Variants in ZSCAN30 observed in about 807,000 individuals in gnomAD.
ZSCAN30 encodes the protein zinc finger and SCAN domain containing 30.
Under a neutral mutation model 44.3 loss-of-function variants are expected in ZSCAN30, and 37 were observed. The ratio of observed to expected loss-of-function variants is 0.84; its 90% CI spans 0.64 to 1.10. The LOEUF (loss-of-function observed/expected upper bound fraction) is 1.10, where lower values mean the gene tolerates loss of function less well. Among genes scored for constraint, ZSCAN30 ranks in the 50% least tolerant of loss-of-function variants. ZSCAN30 has a pLI of 0.00. For synonymous variants in ZSCAN30, 181 were observed against 204.6 expected, an observed-to-expected ratio of 0.88 and a Z score of 0.98; for missense variants, 549 against 582.6, an observed-to-expected ratio of 0.94 and a Z score of 0.59.
chr18:35,268,874 A>C (rs1262852736), intron 1 of ZSCAN30: 1 of 152,250 alleles, frequency 6.6e-6, no homozygotes, highest in Non-Finnish European at 1.5e-5. Context: ...AGAAAAGGTA[A>C]AGTTTAGTAG....
At chr18:35,262,418 A>G (rs1410216303) in intron 3 of ZSCAN30, 1 of 152,186 alleles carries the variant, frequency 6.6e-6, no homozygotes, top group African/African-American at 2.4e-5. Context: ...ACAGCTATCA[A>G]TTTATTGCCT....
chr18:35,254,611 T>G, intron 3 of ZSCAN30: 2 of 687,294 alleles, frequency 2.9e-6, no homozygotes, highest in South Asian at 4.0e-5. Flanking sequence ...AGAGGGATGG[T>G]GAACAAGGAA....
rs1039413435 is a variant in ZSCAN30 at position 35,253,189 on chromosome 18, T to C, written c.*261A>G. 108 of 322,312 alleles carry C rather than the reference T, an allele frequency of 3.4e-4. No homozygotes were observed. Among genetic ancestry groups the C allele is most frequent in the Admixed American group, 1.4e-3 (31 of 22,830 alleles). The allele number at this position is 322,312 out of a possible 1,614,324, so 20.0% of individuals were successfully genotyped here. On this transcript the variant is annotated 3_prime_UTR_variant, in exon 4 of 4. Transcript: ENST00000333206. ...GCAGAGAGTGGAGTGAAGGGGATATTGATGAGTCTCATCCAGAAATGGGTT... is the reference window on the plus strand; with the variant it reads ...GCAGAGAGTGGAGTGAAGGGGATATCGATGAGTCTCATCCAGAAATGGGTT...
Position 35,257,574 on chromosome 18 carries a change from C to T in ZSCAN30, c.554-3193G>A, listed in dbSNP as rs542826198. The T allele has an allele frequency of 2.5e-4, 68 of 273,006 alleles. No homozygotes were observed. The East Asian group carries it at 5.6e-3, about 23-fold the overall frequency. 16.9% of individuals were successfully genotyped at this position (273,006 alleles called of 1,614,324 possible). ...TACCAAATACAAAATCTGCTAGCAC[C>T]TTGAACTTCTCAGCCTCCAGAACTG... On this transcript the variant is annotated intron_variant, in intron 3 of 3. Coordinates refer to ENST00000333206, the MANE Select transcript of ZSCAN30 (RefSeq NM_001112734.4).
intron 1 of ZSCAN30, among the ~76,000 whole-genome samples, chr18:35,271,088 G>C (rs1034048907): frequency 6.6e-6 from 1 of 152,192 alleles, no homozygotes; most frequent in East Asian, 1.9e-4. Context: ...CATAAAGGCA[G>C]TGCAGACCCA....
At chr18:35,276,548 C>T (rs1179357204) in intron 1 of ZSCAN30, among the ~76,000 whole-genome samples, 3 of 152,288 alleles carry the variant, frequency 2.0e-5, no homozygotes, top group South Asian at 2.1e-4. Flanking sequence ...AAGGGGCCAA[C>T]GTAAAGCTCG....
intron 1 of ZSCAN30, among the ~76,000 whole-genome samples, chr18:35,272,390 C>G (rs1598641511): frequency 6.8e-6 from 1 of 147,268 alleles, no homozygotes; most frequent in African/African-American, 2.5e-5. Flanking sequence ...CTCTGTGGAC[C>G]AGGCTGCAGT....
At chr18:35,262,111 T>TG (rs1234993150) in intron 3 of ZSCAN30, 13 of 152,308 alleles carry the variant, frequency 8.5e-5, no homozygotes, top group African/African-American at 3.1e-4. Context: ...ATTTATCTCT[T>TG]GGGGTAGACT....
intron 3 of ZSCAN30, chr18:35,259,724 A>G (rs1036406445): frequency 1.3e-5 from 2 of 154,292 alleles, no homozygotes; most frequent in African/African-American, 4.8e-5. Context: ...AACAAATAAC[A>G]ATATGAAAAG....
chr18:35,278,020 G>A (rs2044396162), intron 1 of ZSCAN30, among the ~76,000 whole-genome samples: 1 of 152,094 alleles, frequency 6.6e-6, no homozygotes, highest in Admixed American at 6.6e-5. Context: ...AATATTTTAT[G>A]TTGTACTTCA....
In ZSCAN30 at chr18:35,263,517, C is replaced by G. The variant is rs1336459636; in HGVS notation, c.549G>C (p.Glu183Asp). Reference protein sequence around the residue: ...TETQESQAFQERDGRMVAGKV... With the variant: ...TETQESQAFQDRDGRMVAGKV... ...ACATGGACTGGGGCTTCTCACCTCT[C>G]TCCTGGAAAGCCTGGGACTCCTGAG... is the stretch of plus-strand genomic sequence containing the variant. Residue 183 changes from glutamate (E) to aspartate (D), a missense_variant, in exon 3 of 4, where the codon GAG becomes GAC. Transcript: ENST00000333206. 9 of 1,614,086 alleles carry G rather than the reference C, an allele frequency of 5.6e-6. No individual in the cohort carries two copies. In the African/African-American group the frequency reaches 1.2e-4, roughly 22 times the overall value.
At position 35,264,062 on chromosome 18, in the gene ZSCAN30, C is replaced by A; in HGVS notation, c.291G>T (p.Leu97=). The A allele has an allele frequency of 1.2e-6, 2 of 1,614,078 alleles. No homozygotes were observed. Among genetic ancestry groups the A allele is most frequent in the Non-Finnish European group, 1.7e-6 (2 of 1,179,934 alleles). Residue 97 remains leucine, a synonymous_variant, in exon 2 of 4, where the codon CTG becomes CTT. Transcript: ENST00000333206. ...ILELLMLEQF[L]AILPEELQAW... ...CTTGCAGCTCCTCAGGAAGGATGGC[C>A]AGGAACTGCTCCAACATCAGCAGCT...
At chr18:35,272,670 AAC>A (rs2044304735) in intron 1 of ZSCAN30, among the ~76,000 whole-genome samples, 1 of 152,218 alleles carries the variant, frequency 6.6e-6, no homozygotes. Context: ...TTTATGGTAA[AAC>A]ACACATGCCA....
At chr18:35,275,603 T>C (rs891811704) in intron 1 of ZSCAN30, among the ~76,000 whole-genome samples, 1 of 152,122 alleles carries the variant, frequency 6.6e-6, no homozygotes, top group African/African-American at 2.4e-5. Flanking sequence ...TTGGATCCCA[T>C]CTCCTTCCCC....
At chr18:35,267,297 G>A (rs1386933302) in intron 1 of ZSCAN30, among the ~76,000 whole-genome samples, 1 of 152,102 alleles carries the variant, frequency 6.6e-6, no homozygotes, top group South Asian at 2.1e-4. Context: ...CGGGGTGGCT[G>A]AGTGGGCAAG....
At chr18:35,263,853 TTC>T (rs2044088524) in intron 2 of ZSCAN30, 90 bp downstream of exon 2, 14 of 1,489,768 alleles carry the variant, frequency 9.4e-6, no homozygotes, top group Non-Finnish European at 1.3e-5. Flanking sequence ...AACTGTATAA[TTC>T]TCTGAGAGCT....
intron 1 of ZSCAN30, chr18:35,281,978 T>C (rs2044463956): frequency 6.6e-6 from 1 of 152,018 alleles, no homozygotes; most frequent in African/African-American, 2.4e-5. Context: ...AGGTGCTGCC[T>C]ACTGGTCAGC....
At chr18:35,275,435 C>T (rs1427880286) in intron 1 of ZSCAN30, among the ~76,000 whole-genome samples, 2 of 152,188 alleles carry the variant, frequency 1.3e-5, no homozygotes, top group East Asian at 1.9e-4. Flanking sequence ...TCTCCTCACC[C>T]CTCATTCTTA....
chr18:35,269,208 C>T (rs1234659010), intron 1 of ZSCAN30: 2 of 152,218 alleles, frequency 1.3e-5, no homozygotes, highest in Admixed American at 6.5e-5. Context: ...CCATTTATGG[C>T]TATGTGTAGG....
Sources: gnomAD v4.1 joint callset for allele counts (sites outside exome capture counted in the v4.1 genomes callset) on GRCh38, gnomAD v4.1.1 for gene constraint, MANE v1.5 for transcripts, NCBI Gene and HGNC (gene_info 2026-07-23, HGNC 2026-07-21) for gene names.